The following SGIP1 variants were observed in gnomAD, a reference collection of about 807,000 sequenced individuals.
The protein encoded by SGIP1 is SH3-containing GRB2-like protein 3-interacting protein 1.
A neutral mutation model predicts 107.5 loss-of-function variants in SGIP1; 38 were observed. The observed-to-expected ratio is 0.35, with a 90% confidence interval of 0.27 to 0.46. The LOEUF (loss-of-function observed/expected upper bound fraction) is 0.46. SGIP1 is among the 20% of genes least tolerant of loss of function. SGIP1 has a pLI of 1.00. For missense variants in SGIP1, 929 were observed against 1,019.5 expected (o/e 0.91, Z 1.21); for synonymous variants, 365 against 366.1 (o/e 1.00, Z 0.03).
At chr1:66,602,843 C>A (rs998876967) in intron 1 of SGIP1, among the ~76,000 whole-genome samples, 2 of 152,060 alleles carry the variant, frequency 1.3e-5, no homozygotes, top group Non-Finnish European at 2.9e-5. Flanking sequence ...TAGCTCATGG[C>A]AATACCAGAA....
chr1:66,721,219 C>T (rs2093516008), intron 19 of SGIP1, among the ~76,000 whole-genome samples: 1 of 152,292 alleles, frequency 6.6e-6, no homozygotes, highest in Middle Eastern at 3.4e-3. Context: ...GGCAAGTAGA[C>T]ATCATGAGCG....
chr1:66,565,943 T>G (rs2059577739), intron 1 of SGIP1, among the ~76,000 whole-genome samples: 1 of 152,024 alleles, frequency 6.6e-6, no homozygotes, highest in Non-Finnish European at 1.5e-5. Flanking sequence ...TAGTGTAAAT[T>G]GTAAGCAGTC....
At chr1:66,670,951 A>T in intron 9 of SGIP1, 44 bp from the exon 10 acceptor site, 1 of 974,086 alleles carries the variant, frequency 1.0e-6, no homozygotes. Context: ...TGTACATAAC[A>T]TATATGTGGT....
chr1:66,555,159 A>C (rs2058004282), intron 1 of SGIP1, among the ~76,000 whole-genome samples: 1 of 152,110 alleles, frequency 6.6e-6, no homozygotes, highest in Non-Finnish European at 1.5e-5. Context: ...AATAGATTTC[A>C]AGTTGCACAT....
At position 66,592,124 on chromosome 1, in the gene SGIP1, A is replaced by G. The variant is rs535568753; in HGVS notation, c.11-33723A>G. On this transcript the variant is annotated intron_variant, in intron 1 of 24. Coordinates refer to ENST00000371037, the MANE Select transcript of SGIP1 (RefSeq NM_032291.4). ...TCCTCTTTCACTAATCCTCCTCAGC[A>G]CAGACCCTTTACCGATGTCGGGCTG... Among the ~76,000 whole-genome samples, 3 of 152,176 alleles carry G rather than the reference A, an allele frequency of 2.0e-5. No homozygotes were observed. In the South Asian group the frequency reaches 6.2e-4, roughly 32 times the overall value.
chr1:66,734,722 T>A (rs183674482), intron 21 of SGIP1, among the ~76,000 whole-genome samples: 1 of 152,240 alleles, frequency 6.6e-6, no homozygotes, highest in African/African-American at 2.4e-5. Flanking sequence ...GCTATGCTGG[T>A]CTGGAACTCC....
intron 1 of SGIP1, among the ~76,000 whole-genome samples, chr1:66,575,112 A>G (rs2060884767): frequency 6.6e-6 from 1 of 152,172 alleles, no homozygotes; most frequent in South Asian, 2.1e-4. Flanking sequence ...CATCATCTCC[A>G]TAGTCCTGAT....
chr1:66,727,575 A>G (rs1253366493), intron 19 of SGIP1, among the ~76,000 whole-genome samples: 1 of 152,222 alleles, frequency 6.6e-6, no homozygotes, highest in Non-Finnish European at 1.5e-5. Context: ...TAATACCCGT[A>G]CACGCGTATT....
At chr1:66,700,370 CAAA>C (rs34109375) in intron 18 of SGIP1, among the ~76,000 whole-genome samples, 2 of 82,976 alleles carry the variant, frequency 2.4e-5, no homozygotes, top group Non-Finnish European at 2.4e-5. Context: ...GACTCCATCT[CAAA>C]AAAAAAAAAA....
intron 23 of SGIP1, 24 bp from the exon 24 acceptor site, chr1:66,741,248 T>G (rs1472662433): frequency 6.4e-7 from 1 of 1,550,892 alleles, no homozygotes; most frequent in East Asian, 2.3e-5. Context: ...GACTGTTACC[T>G]TGTAATAATG....
At chr1:66,739,821 A>G (rs766841375) in intron 22 of SGIP1, among the ~76,000 whole-genome samples, 14 of 152,202 alleles carry the variant, frequency 9.2e-5, no homozygotes, top group Non-Finnish European at 2.1e-4. Flanking sequence ...GAAGGAGAGA[A>G]AGTAGAAGGC....
At chr1:66,591,677 C>T (rs2063651617) in intron 1 of SGIP1, among the ~76,000 whole-genome samples, 1 of 152,046 alleles carries the variant, frequency 6.6e-6, no homozygotes, top group African/African-American at 2.4e-5. Context: ...AACAGTGGGC[C>T]CAGGGGACTG....
At chr1:66,705,992 C>A (rs1455913216) in intron 18 of SGIP1, among the ~76,000 whole-genome samples, 3 of 151,958 alleles carry the variant, frequency 2.0e-5, no homozygotes, top group Non-Finnish European at 2.9e-5. Flanking sequence ...ACCTATGTAA[C>A]AAACCTACAC....
chr1:66,705,165 A>T (rs1290575690), intron 18 of SGIP1, among the ~76,000 whole-genome samples: 7 of 152,144 alleles, frequency 4.6e-5, no homozygotes, highest in African/African-American at 1.7e-4. Context: ...CAGACAAAAA[A>T]ATTTCATGGA....
At position 66,561,542 on chromosome 1, in the gene SGIP1, G is replaced by A. The variant is rs183551729; in HGVS notation, c.10+27174G>A. ...AAAGGGTACTAATAAGTATTCAATC[G>A]AAATTAGAGTCTACAGAGCACTCTC... On this transcript the variant is annotated intron_variant, in intron 1 of 24. Coordinates refer to ENST00000371037, the MANE Select transcript of SGIP1 (RefSeq NM_032291.4). Among the ~76,000 whole-genome samples, 92 of 152,096 alleles carry A rather than the reference G, an allele frequency of 6.0e-4. 1 individual carries two copies. The highest frequency in any genetic ancestry group is 5.4e-3 in the Admixed American group (82 of 15,256).
At chr1:66,733,682 T>C (rs151208656) in intron 20 of SGIP1, 66 bp from the exon 21 acceptor site, 11 of 1,537,610 alleles carry the variant, frequency 7.2e-6, no homozygotes, top group East Asian at 4.6e-5. Flanking sequence ...TTTGCTAAGA[T>C]GCTTCGTGTA....
intron 1 of SGIP1, among the ~76,000 whole-genome samples, chr1:66,547,329 G>A (rs2056591747): frequency 6.6e-6 from 1 of 152,052 alleles, no homozygotes; most frequent in South Asian, 2.1e-4. Flanking sequence ...AATATTGTTA[G>A]CAACAATGGA....
intron 1 of SGIP1, among the ~76,000 whole-genome samples, chr1:66,577,756 C>CTG (rs6143251): frequency 0.058 from 8,463 of 144,914 alleles, 293 homozygotes; most frequent in Non-Finnish European, 0.08. Context: ...TAATGCAGTC[C>CTG]TGTGTGTGTG....
At position 66,699,173 on chromosome 1, in the gene SGIP1, C is replaced by T. The variant is rs577874675; in HGVS notation, c.1630+3680C>T. Reference sequence around the variant, plus strand: ...AAATCCTGACTCTTAGGAGCCATCACTTCCATAGCACTCTCTATGGAGACC... The same window carrying T: ...AAATCCTGACTCTTAGGAGCCATCATTTCCATAGCACTCTCTATGGAGACC... On this transcript the variant is annotated intron_variant, in intron 18 of 24. Transcript: ENST00000371037. Among the ~76,000 whole-genome samples the T allele has an allele frequency of 8.5e-5, 13 of 152,216 alleles. No homozygotes were observed. In the East Asian group the frequency reaches 2.5e-3, roughly 29 times the overall value.
Sources: allele counts gnomAD v4.1 joint callset (sites outside exome capture counted in the v4.1 genomes callset), GRCh38; gene constraint gnomAD v4.1.1; transcripts MANE v1.5; gene names NCBI Gene and HGNC (gene_info 2026-07-23, HGNC 2026-07-21).